HHAT: variants seen among roughly 807,000 people sequenced by gnomAD.
HHAT encodes protein-cysteine N-palmitoyltransferase HHAT.
HHAT carries 47 observed loss-of-function variants against 70.8 expected under a neutral mutation model. That is an observed-to-expected ratio of 0.66 (90% CI 0.53 to 0.85). The LOEUF is 0.85. Ranked by LOEUF, HHAT falls within the 40% of genes least tolerant of loss-of-function variation. HHAT has a pLI of 0.00. For synonymous variants in HHAT, 228 were observed against 247.6 expected (o/e 0.92, Z 0.74); for missense variants, 609 against 604.8 (o/e 1.01, Z -0.07).
At chr1:210,482,547 C>G (rs1212288845) in intron 8 of HHAT, among the ~76,000 whole-genome samples, 1 of 152,138 alleles carries the variant, frequency 6.6e-6, no homozygotes, top group African/African-American at 2.4e-5. Context: ...TTTCAGCTTT[C>G]TTTTTTACAA....
chr1:210,589,691 A>C (rs1033620814), intron 10 of HHAT: 2 of 152,196 alleles, frequency 1.3e-5, no homozygotes, highest in African/African-American at 4.8e-5. Context: ...TAGAAATCTA[A>C]AACATTCGAG....
At chr1:210,349,460 G>A (rs2086817215) in intron 2 of HHAT, among the ~76,000 whole-genome samples, 1 of 152,018 alleles carries the variant, frequency 6.6e-6, no homozygotes, top group Non-Finnish European at 1.5e-5. Flanking sequence ...CTGAGTGTTG[G>A]AGATAAATCA....
At chr1:210,537,633 A>T (rs957054000) in intron 9 of HHAT, among the ~76,000 whole-genome samples, 11 of 152,318 alleles carry the variant, frequency 7.2e-5, no homozygotes, top group Middle Eastern at 3.4e-3. Context: ...TTAATGTGTC[A>T]TGTTGGTTAA....
At chr1:210,495,755 C>T (rs2094627407) in intron 8 of HHAT, among the ~76,000 whole-genome samples, 1 of 152,050 alleles carries the variant, frequency 6.6e-6, no homozygotes, top group African/African-American at 2.4e-5. Context: ...CGCCTGTAAT[C>T]CCAGTGCTTT....
intron 2 of HHAT, among the ~76,000 whole-genome samples, chr1:210,359,781 C>G (rs2088055395): frequency 6.6e-6 from 1 of 152,056 alleles, no homozygotes; most frequent in East Asian, 1.9e-4. Context: ...GCAGAAGAAT[C>G]ACTTGCACCC....
chr1:210,378,942 A>C (rs566978833), intron 3 of HHAT, among the ~76,000 whole-genome samples: 11 of 152,372 alleles, frequency 7.2e-5, no homozygotes, highest in Admixed American at 2.0e-4. Flanking sequence ...GTAGTATGTT[A>C]GTCATGGTTC....
At chr1:210,576,671 A>G (rs1318508019) in intron 9 of HHAT, among the ~76,000 whole-genome samples, 1 of 152,160 alleles carries the variant, frequency 6.6e-6, no homozygotes, top group East Asian at 1.9e-4. Flanking sequence ...TATAATAATA[A>G]TAACATTGAA....
At chr1:210,364,455 C>A (rs1265781863) in intron 3 of HHAT, among the ~76,000 whole-genome samples, 1 of 152,028 alleles carries the variant, frequency 6.6e-6, no homozygotes, top group Non-Finnish European at 1.5e-5. Flanking sequence ...AAAATTCAAG[C>A]ATTTTAGATA....
At chr1:210,622,332 G>A (rs141878953) in intron 10 of HHAT, among the ~76,000 whole-genome samples, 2 of 152,272 alleles carry the variant, frequency 1.3e-5, no homozygotes, top group East Asian at 3.9e-4. Flanking sequence ...AGGCGGAGGT[G>A]CTTATCAGAT....
intron 8 of HHAT, among the ~76,000 whole-genome samples, chr1:210,504,493 C>T (rs2094816488): frequency 2.0e-5 from 3 of 152,174 alleles, no homozygotes; most frequent in South Asian, 2.1e-4. Flanking sequence ...ATCCAGATCT[C>T]GAATTTCTAA....
rs1665274099 is a variant in HHAT at position 210,605,782 on chromosome 1, A to C, written c.1245+17683A>C. Reference sequence around the variant, plus strand: ...CCTTTCCCCAGCAACAGTAATGTTCAGTTCTCTTAGTTGTTTGTGATTTTT... The same window carrying C: ...CCTTTCCCCAGCAACAGTAATGTTCCGTTCTCTTAGTTGTTTGTGATTTTT... On this transcript the variant is annotated intron_variant, in intron 10 of 11. Coordinates refer to ENST00000261458, the MANE Select transcript of HHAT (RefSeq NM_018194.6). Among the ~76,000 whole-genome samples the C allele has an allele frequency of 2.0e-5, 3 of 152,104 alleles. No homozygotes were observed. The South Asian group carries it at 6.2e-4, about 32-fold the overall frequency.
intron 9 of HHAT, among the ~76,000 whole-genome samples, chr1:210,536,047 T>C (rs12126287): frequency 0.19 from 29,519 of 152,174 alleles, 3,370 homozygotes; most frequent in Middle Eastern, 0.29. Flanking sequence ...CACTGGCCAT[T>C]AGAGTGCTAA....
At chr1:210,577,360 C>T (rs1467877465) in intron 9 of HHAT, among the ~76,000 whole-genome samples, 3 of 152,040 alleles carry the variant, frequency 2.0e-5, no homozygotes, top group Non-Finnish European at 4.4e-5. Flanking sequence ...CATTCCGTAC[C>T]TAGTGTGTTG....
chr1:210,508,188 G>C, intron 8 of HHAT, among the ~76,000 whole-genome samples: 1 of 97,734 alleles, frequency 1.0e-5, no homozygotes, highest in African/African-American at 3.9e-5. Flanking sequence ...GACAGAGTGA[G>C]ACTCCTTCTC....
chr1:210,465,982 T>C (rs1477130330), intron 8 of HHAT, among the ~76,000 whole-genome samples: 1 of 8,110 alleles, frequency 1.2e-4, no homozygotes, highest in African/African-American at 5.3e-4. Flanking sequence ...TGCAAGGAAT[T>C]GCAAGGAATG....
Position 210,410,433 on chromosome 1 carries a change from A to G in HHAT, c.684+5754A>G, listed in dbSNP as rs1038894925. On this transcript the variant is annotated intron_variant, in intron 6 of 11. Transcript: ENST00000261458. ...AATAATGATATGACCCTAAAGAAAG[A>G]TGAAAAACCTTTTGTTTTTTTTTTT... Among the ~76,000 whole-genome samples, 4 of 147,252 alleles carry G rather than the reference A, an allele frequency of 2.7e-5. No homozygotes were observed. The South Asian group carries it at 8.7e-4, about 32-fold the overall frequency.
chr1:210,327,446 T>C (rs1042893048), upstream of HHAT, among the ~76,000 whole-genome samples: 4 of 151,998 alleles, frequency 2.6e-5, no homozygotes, highest in South Asian at 8.3e-4. Context: ...AAAATAAGTA[T>C]ATCCCAAATA....
At chr1:210,479,211 A>G (rs888178733) in intron 8 of HHAT, among the ~76,000 whole-genome samples, 3 of 152,210 alleles carry the variant, frequency 2.0e-5, no homozygotes, top group African/African-American at 7.2e-5. Context: ...CAGACTATTT[A>G]GACTTGTTGT....
At chr1:210,337,513 T>A (rs1463119123) in intron 1 of HHAT, among the ~76,000 whole-genome samples, 2 of 152,144 alleles carry the variant, frequency 1.3e-5, no homozygotes, top group Non-Finnish European at 2.9e-5. Context: ...TAGGGAACAA[T>A]CTTTTTGTTG....
Sources: allele counts gnomAD v4.1 joint callset (sites outside exome capture counted in the v4.1 genomes callset), GRCh38; gene constraint gnomAD v4.1.1; transcripts MANE v1.5; gene names NCBI Gene and HGNC (gene_info 2026-07-23, HGNC 2026-07-21).